DOK6: variants seen among roughly 807,000 people sequenced by gnomAD.
DOK6 encodes the protein docking protein 6.
In DOK6, 22 loss-of-function variants were observed where a neutral mutation model predicts 44.0. That is an observed-to-expected ratio of 0.50 (90% CI 0.36 to 0.71). DOK6 has a LOEUF of 0.71. DOK6 is among the 30% of genes least tolerant of loss of function. DOK6 has a pLI of 0.00. For synonymous variants in DOK6, 166 were observed against 145.5 expected (o/e 1.14, Z -1.01); for missense variants, 340 against 416.4 (o/e 0.82, Z 1.60).
At chr18:69,410,022 A>G (rs1174764262) in intron 1 of DOK6, among the ~76,000 whole-genome samples, 1 of 152,202 alleles carries the variant, frequency 6.6e-6, no homozygotes, top group Non-Finnish European at 1.5e-5. Context: ...TTAGCTATAT[A>G]AGTCTCCTAA....
At chr18:69,437,214 G>T (rs1045527708) in intron 1 of DOK6, among the ~76,000 whole-genome samples, 42 of 152,152 alleles carry the variant, frequency 2.8e-4, no homozygotes, top group African/African-American at 1.0e-3. Context: ...TGGTGTTATA[G>T]TCATGAAGTC....
At chr18:69,473,694 T>A (rs116696561) in intron 1 of DOK6, among the ~76,000 whole-genome samples, 2,111 of 152,324 alleles carry the variant, frequency 0.014, 56 homozygotes, top group African/African-American at 0.048. Context: ...CCTTCAGTGT[T>A]ACAATGTTGC....
intron 6 of DOK6, among the ~76,000 whole-genome samples, chr18:69,755,565 T>C (rs1979328702): frequency 6.6e-6 from 1 of 152,204 alleles, no homozygotes; most frequent in Non-Finnish European, 1.5e-5. Context: ...ATATGGGAAA[T>C]TGGCTTTAAA....
At chr18:69,603,800 C>T (rs1208696935) in intron 3 of DOK6, among the ~76,000 whole-genome samples, 1 of 138,438 alleles carries the variant, frequency 7.2e-6, no homozygotes, top group Non-Finnish European at 1.6e-5. Context: ...AAAAAAAGGA[C>T]ATCTGTGGAA....
At chr18:69,570,177 A>G (rs968073162) in intron 2 of DOK6, among the ~76,000 whole-genome samples, 7 of 152,070 alleles carry the variant, frequency 4.6e-5, no homozygotes, top group Non-Finnish European at 7.4e-5. Context: ...CTGCACATAC[A>G]CCCCTAGCCT....
intron 3 of DOK6, among the ~76,000 whole-genome samples, chr18:69,674,991 T>C (rs1231332042): frequency 6.6e-6 from 1 of 152,198 alleles, no homozygotes; most frequent in Non-Finnish European, 1.5e-5. Flanking sequence ...GTTCAGTCTT[T>C]AGTGTGACAA....
intron 7 of DOK6, among the ~76,000 whole-genome samples, chr18:69,784,278 A>T (rs1980365865): frequency 6.6e-6 from 1 of 152,152 alleles, no homozygotes; most frequent in African/African-American, 2.4e-5. Context: ...AAAAATGATA[A>T]ATGTATGTGG....
intron 1 of DOK6, among the ~76,000 whole-genome samples, chr18:69,440,232 C>G (rs571718466): frequency 1.3e-5 from 2 of 152,150 alleles, no homozygotes; most frequent in South Asian, 4.1e-4. Context: ...GTGCCAAAAA[C>G]AATTATAATA....
At chr18:69,461,338 A>G (rs1979780914) in intron 1 of DOK6, among the ~76,000 whole-genome samples, 1 of 152,052 alleles carries the variant, frequency 6.6e-6, no homozygotes, top group Admixed American at 6.5e-5. Flanking sequence ...TATTTCCTTT[A>G]GTTTCTGACC....
intron 7 of DOK6, among the ~76,000 whole-genome samples, chr18:69,829,520 A>C (rs1402494305): frequency 6.6e-5 from 10 of 152,180 alleles, no homozygotes; most frequent in African/African-American, 2.4e-4. Flanking sequence ...AGTCAAACCA[A>C]GTAGTCTTCT....
chr18:69,626,396 T>G (rs913364152), intron 3 of DOK6, among the ~76,000 whole-genome samples: 2 of 152,222 alleles, frequency 1.3e-5, no homozygotes, highest in Non-Finnish European at 2.9e-5. Context: ...AAAGAATATA[T>G]TCACCTTTCT....
At chr18:69,586,475 T>C (rs1432723688) in intron 2 of DOK6, among the ~76,000 whole-genome samples, 1 of 152,018 alleles carries the variant, frequency 6.6e-6, no homozygotes, top group African/African-American at 2.4e-5. Context: ...AAAAAGTAAA[T>C]AAATAAATAA....
intron 7 of DOK6, among the ~76,000 whole-genome samples, chr18:69,809,613 C>T (rs1030481613): frequency 3.9e-5 from 5 of 126,832 alleles, no homozygotes; most frequent in African/African-American, 1.5e-4. Context: ...AGAAAAAAAA[C>T]AGACAAAACT....
chr18:69,824,932 CT>C (rs1024317163), intron 7 of DOK6, among the ~76,000 whole-genome samples: 9 of 152,338 alleles, frequency 5.9e-5, no homozygotes, highest in African/African-American at 1.9e-4. Context: ...ACTTCAACTG[CT>C]TTTGTACTTA....
intron 1 of DOK6, among the ~76,000 whole-genome samples, chr18:69,435,453 A>G (rs1568256732): frequency 1.3e-5 from 2 of 152,222 alleles, no homozygotes; most frequent in Non-Finnish European, 2.9e-5. Flanking sequence ...GGAATCTTGT[A>G]GAGTCATAAT....
chr18:69,746,391 A>G (rs767188533), intron 6 of DOK6, among the ~76,000 whole-genome samples: 13 of 152,086 alleles, frequency 8.5e-5, no homozygotes, highest in Non-Finnish European at 1.8e-4. Context: ...CCCAGTAGCT[A>G]GAATTACAGG....
chr18:69,611,955 C>CACACAT (rs1984152043), intron 3 of DOK6, among the ~76,000 whole-genome samples: 1 of 147,318 alleles, frequency 6.8e-6, no homozygotes, highest in African/African-American at 2.4e-5. Flanking sequence ...AACTTACACA[C>CACACAT]ACACACACAC....
At chr18:69,581,386 G>A (rs748507807) in intron 2 of DOK6, among the ~76,000 whole-genome samples, 2 of 152,194 alleles carry the variant, frequency 1.3e-5, no homozygotes, top group Non-Finnish European at 2.9e-5. Context: ...ACATATGGAC[G>A]TGCTTACACT....
chr18:69,444,643 C>A (rs1979228636), intron 1 of DOK6, among the ~76,000 whole-genome samples: 1 of 112,818 alleles, frequency 8.9e-6, no homozygotes, highest in African/African-American at 3.5e-5. Context: ...ATAAAATCAA[C>A]CTTTTTTTTT....
Sources: allele counts gnomAD v4.1 joint callset (sites outside exome capture counted in the v4.1 genomes callset), GRCh38; gene constraint gnomAD v4.1.1; transcripts MANE v1.5; gene names NCBI Gene and HGNC (gene_info 2026-07-23, HGNC 2026-07-21).